RBMS3: variants seen among roughly 807,000 people sequenced by gnomAD.
The protein encoded by RBMS3 is RNA binding motif single stranded interacting protein 3, also known as RNA-binding motif, single-stranded-interacting protein 3.
RBMS3 carries 27 observed loss-of-function variants against 66.8 expected under a neutral mutation model. The ratio of observed to expected loss-of-function variants is 0.40; its 90% CI spans 0.30 to 0.56. RBMS3 has a LOEUF of 0.56. Ranked by LOEUF, RBMS3 falls within the 20% of genes least tolerant of loss-of-function variation. The pLI, the probability that RBMS3 is intolerant of heterozygous loss-of-function variation, is 0.40. For synonymous variants in RBMS3, 188 were observed against 183.0 expected, an observed-to-expected ratio of 1.03 and a Z score of -0.22; for missense variants, 513 against 549.5, an observed-to-expected ratio of 0.93 and a Z score of 0.66.
intron 6 of RBMS3, among the ~76,000 whole-genome samples, chr3:29,868,219 C>G (rs1054515303): frequency 8.6e-5 from 13 of 151,576 alleles, no homozygotes; most frequent in African/African-American, 2.9e-4. Flanking sequence ...CAATCTGGGA[C>G]TCACAAGTTA....
intron 2 of RBMS3, among the ~76,000 whole-genome samples, chr3:29,457,298 T>G (rs2042223669): frequency 1.3e-5 from 2 of 152,306 alleles, no homozygotes; most frequent in South Asian, 4.1e-4. Context: ...AGTCTCTTAC[T>G]CCAAAAGCCT....
chr3:29,667,428 C>T (rs2050813719), intron 4 of RBMS3, among the ~76,000 whole-genome samples: 1 of 152,110 alleles, frequency 6.6e-6, no homozygotes, highest in Non-Finnish European at 1.5e-5. Flanking sequence ...TACCCCAAAC[C>T]TATTAATCAA....
intron 14 of RBMS3, among the ~76,000 whole-genome samples, chr3:29,994,622 C>G (rs1181200792): frequency 6.6e-6 from 1 of 152,202 alleles, no homozygotes; most frequent in Non-Finnish European, 1.5e-5. Flanking sequence ...GTCCCTGACC[C>G]CCGAGCAGCC....
intron 4 of RBMS3, among the ~76,000 whole-genome samples, chr3:29,601,556 G>A (rs1576336872): frequency 6.6e-6 from 1 of 151,786 alleles, no homozygotes; most frequent in Admixed American, 6.6e-5. Context: ...TGAACACTAT[G>A]CATTCTAAAA....
chr3:29,530,705 C>CAAAAAA (rs35876128), intron 3 of RBMS3, among the ~76,000 whole-genome samples: 241 of 123,714 alleles, frequency 1.9e-3, no homozygotes, highest in African/African-American at 6.8e-3. Context: ...ACTAAAAATA[C>CAAAAAA]AAAAAAAAAA....
At chr3:29,821,072 C>T (rs1028605477) in intron 6 of RBMS3, among the ~76,000 whole-genome samples, 126 of 152,230 alleles carry the variant, frequency 8.3e-4, no homozygotes, top group African/African-American at 2.9e-3. Context: ...AAATGTGAAT[C>T]CAAGTTCATA....
chr3:29,471,269 C>T (rs573922510), intron 2 of RBMS3, among the ~76,000 whole-genome samples: 3 of 152,238 alleles, frequency 2.0e-5, no homozygotes, highest in African/African-American at 7.2e-5. Context: ...AAATAATCAA[C>T]TTATGTCAGT....
chr3:29,350,881 TA>T lies in RBMS3; in HGVS notation c.75+69137del, dbSNP rs760592484. Among the ~76,000 whole-genome samples, 118 of 145,356 alleles carry T rather than the reference TA, an allele frequency of 8.1e-4. No individual in the cohort carries two copies. In the Middle Eastern group the frequency reaches 0.011, roughly 13 times the overall value. Reference sequence around the variant, plus strand: ...AAACAAAAAACTATAATGTGCATGGTAAAAAAAAAAAATTAATACTATGGAA... The same window carrying T: ...AAACAAAAAACTATAATGTGCATGGTAAAAAAAAAAATTAATACTATGGAA... On this transcript the variant is annotated intron_variant, in intron 1 of 14. Transcript: ENST00000383767.
chr3:29,631,330 T>C (rs968043727), intron 4 of RBMS3, among the ~76,000 whole-genome samples: 4 of 151,888 alleles, frequency 2.6e-5, no homozygotes, highest in Non-Finnish European at 5.9e-5. Flanking sequence ...TCTCTAGACA[T>C]GTACAATTTT....
At chr3:29,458,846 AC>A (rs2042279842) in intron 2 of RBMS3, among the ~76,000 whole-genome samples, 1 of 152,190 alleles carries the variant, frequency 6.6e-6, no homozygotes, top group African/African-American at 2.4e-5. Context: ...GAATATTACC[AC>A]CACACTGTCA....
At chr3:29,753,959 ACT>A (rs1349890733) in intron 5 of RBMS3, among the ~76,000 whole-genome samples, 2 of 147,966 alleles carry the variant, frequency 1.4e-5, no homozygotes, top group Admixed American at 1.4e-4. Context: ...AGATTGAAAA[ACT>A]CTTTTTTTTT....
At chr3:29,507,193 A>C (rs2044215153) in intron 3 of RBMS3, among the ~76,000 whole-genome samples, 1 of 151,244 alleles carries the variant, frequency 6.6e-6, no homozygotes, top group African/African-American at 2.4e-5. Flanking sequence ...GCTGTATTTA[A>C]AAAAAAATGA....
intron 11 of RBMS3, among the ~76,000 whole-genome samples, chr3:29,940,484 C>T (rs992989112): frequency 3.3e-5 from 5 of 151,802 alleles, no homozygotes; most frequent in African/African-American, 9.7e-5. Flanking sequence ...TCAGGGCTGA[C>T]GGAAGTTGTA....
intron 4 of RBMS3, among the ~76,000 whole-genome samples, chr3:29,683,610 A>C (rs2051592510): frequency 6.6e-6 from 1 of 152,136 alleles, no homozygotes; most frequent in African/African-American, 2.4e-5. Context: ...ACACACAAAC[A>C]CACCACCTCC....
chr3:29,633,630 C>A (rs1299806052), intron 4 of RBMS3, among the ~76,000 whole-genome samples: 2 of 151,710 alleles, frequency 1.3e-5, no homozygotes, highest in African/African-American at 4.8e-5. Flanking sequence ...AAACCTGTTT[C>A]TACCCTAAAA....
intron 2 of RBMS3, among the ~76,000 whole-genome samples, chr3:29,438,366 G>A (rs1000436343): frequency 4.6e-5 from 7 of 151,858 alleles, no homozygotes; most frequent in African/African-American, 1.2e-4. Flanking sequence ...TTTTTAAAAA[G>A]GCATAGACAT....
intron 4 of RBMS3, among the ~76,000 whole-genome samples, chr3:29,621,235 T>C (rs2048855691): frequency 6.6e-6 from 1 of 152,056 alleles, no homozygotes. Context: ...AATAATTCTA[T>C]GTATTTAAAT....
At chr3:29,740,683 G>A (rs2149350645) in intron 5 of RBMS3, among the ~76,000 whole-genome samples, 1 of 152,260 alleles carries the variant, frequency 6.6e-6, no homozygotes, top group South Asian at 2.1e-4. Flanking sequence ...GTCTCCAGCT[G>A]ATTTATCATG....
intron 12 of RBMS3, among the ~76,000 whole-genome samples, chr3:29,957,240 C>T (rs892500904): frequency 1.3e-5 from 2 of 152,080 alleles, no homozygotes; most frequent in Admixed American, 1.3e-4. Flanking sequence ...AGAGTAAAGG[C>T]TATAAACTCT....
Sources: gnomAD v4.1 joint callset for allele counts (sites outside exome capture counted in the v4.1 genomes callset) on GRCh38, gnomAD v4.1.1 for gene constraint, MANE v1.5 for transcripts, NCBI Gene and HGNC (gene_info 2026-07-23, HGNC 2026-07-21) for gene names.